The following GRID2 variants were observed in gnomAD, a reference collection of about 807,000 sequenced individuals.
The protein encoded by GRID2 is glutamate receptor ionotropic, delta-2.
A neutral mutation model predicts 114.8 loss-of-function variants in GRID2; 33 were observed. The observed-to-expected ratio is 0.29, with a 90% CI of 0.22 to 0.38. GRID2 has a LOEUF of 0.38. Ranked by LOEUF, GRID2 falls within the 10% of genes least tolerant of loss-of-function variation. The pLI is 1.00. For missense variants in GRID2, 1,184 were observed against 1,257.7 expected, an observed-to-expected ratio of 0.94 and a Z score of 0.89; for synonymous variants, 505 against 449.9, an observed-to-expected ratio of 1.12 and a Z score of -1.55.
intron 2 of GRID2, among the ~76,000 whole-genome samples, chr4:92,774,987 G>A (rs1288581653): frequency 1.3e-5 from 2 of 152,214 alleles, no homozygotes; most frequent in East Asian, 3.9e-4. Context: ...AGTGATAACT[G>A]ATTTATGTTC....
chr4:92,943,088 C>G (rs1244794991), intron 2 of GRID2, among the ~76,000 whole-genome samples: 4 of 152,238 alleles, frequency 2.6e-5, no homozygotes, highest in Non-Finnish European at 5.9e-5. Flanking sequence ...GTGGTGTTCT[C>G]TGTACTTCCT....
intron 8 of GRID2, among the ~76,000 whole-genome samples, chr4:93,343,434 C>T (rs904075630): frequency 3.6e-4 from 55 of 151,952 alleles, no homozygotes; most frequent in Admixed American, 9.2e-4. Context: ...ACTTGTTTTC[C>T]ACTTTCAACT....
chr4:92,594,585 G>C (rs1728859307), intron 2 of GRID2, among the ~76,000 whole-genome samples: 1 of 151,842 alleles, frequency 6.6e-6, no homozygotes, highest in Admixed American at 6.6e-5. Context: ...AGATTAAACA[G>C]ATATAGGGTA....
chr4:93,019,997 A>G (rs1471614681), intron 2 of GRID2, among the ~76,000 whole-genome samples: 17 of 152,184 alleles, frequency 1.1e-4, no homozygotes, highest in Non-Finnish European at 2.1e-4. Flanking sequence ...TCTTCATTCT[A>G]CTACTTATTA....
chr4:92,714,921 T>C (rs1201119714), intron 2 of GRID2, among the ~76,000 whole-genome samples: 3 of 152,176 alleles, frequency 2.0e-5, no homozygotes, highest in Non-Finnish European at 4.4e-5. Context: ...ATTTTCCCCA[T>C]TGTCTTGGCG....
intron 2 of GRID2, among the ~76,000 whole-genome samples, chr4:92,687,465 ATG>A (rs940143462): frequency 1.3e-5 from 2 of 152,196 alleles, no homozygotes; most frequent in Non-Finnish European, 2.9e-5. Context: ...ACTTATGTTT[ATG>A]TGATACTGTA....
chr4:93,065,396 CA>C (rs1560841753), intron 2 of GRID2, among the ~76,000 whole-genome samples: 1 of 151,872 alleles, frequency 6.6e-6, no homozygotes, highest in African/African-American at 2.4e-5. Context: ...GAGAAAATTT[CA>C]AGCTGATAGC....
intron 4 of GRID2, among the ~76,000 whole-genome samples, chr4:93,161,422 C>G (rs1737673826): frequency 6.6e-6 from 1 of 151,806 alleles, no homozygotes; most frequent in African/African-American, 2.4e-5. Flanking sequence ...TCACTACTTT[C>G]TTAGGAAAGG....
chr4:93,419,572 T>C (rs141976085), intron 9 of GRID2, among the ~76,000 whole-genome samples: 67 of 152,176 alleles, frequency 4.4e-4, no homozygotes, highest in African/African-American at 1.5e-3. Flanking sequence ...TTTAAAAACA[T>C]TGATCCAGAT....
chr4:93,109,737 G>T (rs1732587919), intron 3 of GRID2, among the ~76,000 whole-genome samples: 2 of 152,064 alleles, frequency 1.3e-5, no homozygotes, highest in South Asian at 4.1e-4. Flanking sequence ...TATAGTAAAA[G>T]AAAATCTACT....
chr4:92,306,542 G>C (rs1031997625), intron 1 of GRID2, among the ~76,000 whole-genome samples: 1 of 152,154 alleles, frequency 6.6e-6, no homozygotes, highest in Non-Finnish European at 1.5e-5. Context: ...GTATGATTAG[G>C]GATTTCTGAT....
intron 2 of GRID2, among the ~76,000 whole-genome samples, chr4:92,946,411 CT>C (rs1162223590): frequency 1.3e-5 from 2 of 151,896 alleles, no homozygotes; most frequent in South Asian, 2.1e-4. Flanking sequence ...ATCTTTTTTC[CT>C]GTCTTTTCCA....
chr4:92,939,381 T>A (rs1187708575), intron 2 of GRID2, among the ~76,000 whole-genome samples: 6 of 147,638 alleles, frequency 4.1e-5, no homozygotes, highest in African/African-American at 1.5e-4. Flanking sequence ...AATTGTCTGT[T>A]TATGTCCTTC....
intron 13 of GRID2, among the ~76,000 whole-genome samples, chr4:93,518,658 A>G (rs1457064173): frequency 6.6e-6 from 1 of 152,148 alleles, no homozygotes; most frequent in African/African-American, 2.4e-5. Flanking sequence ...AAGTAGGAGA[A>G]GAGGATGGGA....
intron 13 of GRID2, among the ~76,000 whole-genome samples, chr4:93,520,527 G>A (rs900814261): frequency 3.3e-5 from 5 of 152,106 alleles, no homozygotes; most frequent in Admixed American, 6.5e-5. Flanking sequence ...AAATTCCTGA[G>A]GCAGAAGCTA....
At chr4:92,913,570 T>C (rs1748547584) in intron 2 of GRID2, among the ~76,000 whole-genome samples, 2 of 152,006 alleles carry the variant, frequency 1.3e-5, no homozygotes, top group South Asian at 4.1e-4. Context: ...AAGCTCATTT[T>C]CATAAATGTT....
chr4:92,960,545 A>G (rs1189581716), intron 2 of GRID2, among the ~76,000 whole-genome samples: 1 of 151,990 alleles, frequency 6.6e-6, no homozygotes, highest in Admixed American at 6.6e-5. Flanking sequence ...CCTTGCTCTG[A>G]CGTCGGCTCT....
intron 2 of GRID2, among the ~76,000 whole-genome samples, chr4:92,972,258 T>C (rs1753571348): frequency 6.6e-6 from 1 of 151,904 alleles, no homozygotes; most frequent in Non-Finnish European, 1.5e-5. Context: ...TGAGATGATA[T>C]CTCATTATGG....
intron 13 of GRID2, among the ~76,000 whole-genome samples, chr4:93,590,897 A>T (rs373291868): frequency 6.7e-6 from 1 of 149,796 alleles, no homozygotes. Flanking sequence ...ATTTTTGCAC[A>T]TTGATTTTGT....
Sources: allele counts gnomAD v4.1 joint callset (sites outside exome capture counted in the v4.1 genomes callset), GRCh38; gene constraint gnomAD v4.1.1; transcripts MANE v1.5; gene names NCBI Gene and HGNC (gene_info 2026-07-23, HGNC 2026-07-21).